The following KIF26B variants were observed in gnomAD, a reference collection of about 807,000 sequenced individuals.
KIF26B encodes kinesin family member 26B.
KIF26B carries 63 observed loss-of-function variants against 151.2 expected under a neutral mutation model. The observed-to-expected ratio is 0.42, with a 90% CI of 0.34 to 0.51. The LOEUF is 0.51. Ranked by LOEUF, KIF26B falls within the 20% of genes least tolerant of loss-of-function variation. The pLI, the probability that KIF26B is intolerant of heterozygous loss-of-function variation, is 0.07. For synonymous variants in KIF26B, 1,357 were observed against 1,262.1 expected, an observed-to-expected ratio of 1.08 and a Z score of -1.59; for missense variants, 2,813 against 2,913.6, an observed-to-expected ratio of 0.97 and a Z score of 0.79.
intron 1 of KIF26B, 149 bp from the exon 2 acceptor site, chr1:245,156,133 G>C (rs1668426852): frequency 8.5e-7 from 1 of 1,183,208 alleles, no homozygotes; most frequent in East Asian, 2.8e-5. Context: ...GACAGACGGA[G>C]GGCAATTTGG....
At chr1:245,366,157 G>A (rs1672944469) in intron 2 of KIF26B, among the ~76,000 whole-genome samples, 1 of 152,160 alleles carries the variant, frequency 6.6e-6, no homozygotes, top group Non-Finnish European at 1.5e-5. Context: ...CCCATATCAT[G>A]CCTGGACAAA....
intron 10 of KIF26B, among the ~76,000 whole-genome samples, chr1:245,680,424 T>TA (rs1318242782): frequency 6.6e-6 from 1 of 152,166 alleles, no homozygotes; most frequent in African/African-American, 2.4e-5. Context: ...AATGTAGACT[T>TA]AAAAAAATCG....
At chr1:245,394,684 C>CTT (rs1444711983) in intron 3 of KIF26B, among the ~76,000 whole-genome samples, 80 of 124,408 alleles carry the variant, frequency 6.4e-4, no homozygotes, top group African/African-American at 2.2e-3. Flanking sequence ...AAGTTTTTTT[C>CTT]TTTCTTTTTT....
At chr1:245,272,990 T>C (rs149106947) in intron 2 of KIF26B, among the ~76,000 whole-genome samples, 1 of 152,338 alleles carries the variant, frequency 6.6e-6, no homozygotes, top group East Asian at 1.9e-4. Flanking sequence ...ATGTGTATTC[T>C]GCTGCTTTTG....
intron 9 of KIF26B, among the ~76,000 whole-genome samples, chr1:245,623,935 T>C (rs565980100): frequency 6.6e-6 from 1 of 152,306 alleles, no homozygotes; most frequent in Non-Finnish European, 1.5e-5. Context: ...TCATGTTGAA[T>C]TGTAATTCCC....
chr1:245,586,848 T>C (rs1446512937), intron 5 of KIF26B, among the ~76,000 whole-genome samples: 2 of 146,860 alleles, frequency 1.4e-5, no homozygotes, highest in African/African-American at 5.1e-5. Flanking sequence ...ATTGCGCCAC[T>C]GCAGTCCGCA....
intron 4 of KIF26B, among the ~76,000 whole-genome samples, chr1:245,439,627 A>G (rs1156451112): frequency 6.6e-6 from 1 of 152,236 alleles, no homozygotes; most frequent in Non-Finnish European, 1.5e-5. Context: ...GTAATAAAAA[A>G]TCATCAAAGT....
chr1:245,598,808 C>G (rs2043360974), intron 5 of KIF26B, among the ~76,000 whole-genome samples: 1 of 152,198 alleles, frequency 6.6e-6, no homozygotes, highest in South Asian at 2.1e-4. Flanking sequence ...GTGGAATAAA[C>G]AAACAGGGCA....
intron 2 of KIF26B, among the ~76,000 whole-genome samples, chr1:245,291,669 T>C (rs1671254634): frequency 6.6e-6 from 1 of 151,898 alleles, no homozygotes; most frequent in African/African-American, 2.4e-5. Flanking sequence ...GATGGATGTT[T>C]GACTAGAAAC....
At chr1:245,169,964 G>A (rs1573685208) in intron 2 of KIF26B, among the ~76,000 whole-genome samples, 1 of 151,930 alleles carries the variant, frequency 6.6e-6, no homozygotes, top group Admixed American at 6.6e-5. Context: ...ACTACACTCC[G>A]TGAGCGTAGT....
At chr1:245,487,737 A>G (rs1660313285) in intron 4 of KIF26B, among the ~76,000 whole-genome samples, 1 of 150,872 alleles carries the variant, frequency 6.6e-6, no homozygotes, top group Non-Finnish European at 1.5e-5. Context: ...AGCTAGGACT[A>G]CAGGCACATG....
At chr1:245,413,556 A>G (rs1321536519) in intron 3 of KIF26B, among the ~76,000 whole-genome samples, 3 of 152,144 alleles carry the variant, frequency 2.0e-5, no homozygotes, top group Non-Finnish European at 4.4e-5. Flanking sequence ...CCAGCTACTC[A>G]GGAGGCTGAG....
intron 3 of KIF26B, among the ~76,000 whole-genome samples, chr1:245,415,995 G>A (rs112757196): frequency 0.13 from 19,625 of 151,572 alleles, 1,381 homozygotes; most frequent in Non-Finnish European, 0.15. Flanking sequence ...GGCCAGGCGC[G>A]GTGGCTCACG....
chr1:245,651,003 C>T (rs766763869), intron 10 of KIF26B, among the ~76,000 whole-genome samples: 3 of 152,270 alleles, frequency 2.0e-5, no homozygotes, highest in Admixed American at 6.5e-5. Context: ...GTGCTGAGCT[C>T]GCCTCCTCCT....
chr1:245,276,368 G>A (rs2102965745), intron 2 of KIF26B, among the ~76,000 whole-genome samples: 1 of 152,196 alleles, frequency 6.6e-6, no homozygotes, highest in Non-Finnish European at 1.5e-5. Context: ...CTAGAACTTT[G>A]AATACATGCT....
intron 4 of KIF26B, among the ~76,000 whole-genome samples, chr1:245,477,805 T>C (rs919427074): frequency 6.6e-6 from 1 of 151,788 alleles, no homozygotes; most frequent in African/African-American, 2.4e-5. Flanking sequence ...GGTCAGAGTC[T>C]ATAGGGCCTA....
At chr1:245,631,247 G>A (rs2043778383) in intron 9 of KIF26B, among the ~76,000 whole-genome samples, 1 of 152,192 alleles carries the variant, frequency 6.6e-6, no homozygotes, top group African/African-American at 2.4e-5. Context: ...CACTTATTAT[G>A]ATGTTAGCTG....
At chr1:245,289,814 T>C (rs946349713) in intron 2 of KIF26B, among the ~76,000 whole-genome samples, 3 of 152,186 alleles carry the variant, frequency 2.0e-5, no homozygotes, top group Non-Finnish European at 4.4e-5. Context: ...AAACAATACA[T>C]GTTATCCTCC....
intron 4 of KIF26B, among the ~76,000 whole-genome samples, chr1:245,538,532 G>A (rs1661534402): frequency 6.6e-6 from 1 of 151,926 alleles, no homozygotes; most frequent in South Asian, 2.1e-4. Flanking sequence ...GGATGTGTGG[G>A]GTGGGCCTGG....
Sources: allele counts gnomAD v4.1 joint callset (sites outside exome capture counted in the v4.1 genomes callset), GRCh38; gene constraint gnomAD v4.1.1; transcripts MANE v1.5; gene names NCBI Gene and HGNC (gene_info 2026-07-23, HGNC 2026-07-21).